Variants in TTN observed in about 807,000 individuals in gnomAD.
TTN encodes the protein titin.
A neutral mutation model predicts 3,223.0 loss-of-function variants in TTN; 1,525 were observed. The observed-to-expected ratio is 0.47, with a 90% CI of 0.45 to 0.49. The LOEUF is 0.49. TTN is among the 20% of genes least tolerant of loss of function. The pLI is 0.00. For synonymous variants in TTN, 14,094 were observed against 15,161.0 expected (o/e 0.93, Z 5.17); for missense variants, 40,786 against 43,424.0 (o/e 0.94, Z 5.40).
At position 178,580,099 on chromosome 2, in the gene TTN, T is replaced by C. The variant is rs756033306; in HGVS notation, c.67188A>G (p.Ala22396=). ...TCACTGTAGACCAGGATTTCCTCTC[T>C]GCATCACGTTTTTGTACCACATAGT... is the stretch of plus-strand genomic sequence containing the variant. The part of the protein sequence containing the change: ...IINYVVQKRD[A]ERKSWSTVTT... Residue 22396 remains alanine (A), a synonymous_variant, in exon 318 of 363, where the codon GCA becomes GCG. Coordinates refer to ENST00000589042, the MANE Select transcript of TTN (RefSeq NM_001267550.2). The C allele has an allele frequency of 1.2e-6, 2 of 1,613,422 alleles. No homozygotes were observed. Among genetic ancestry groups the C allele is most frequent in the South Asian group, 2.2e-5 (2 of 91,076 alleles).
chr2:178,727,882 A>G lies in TTN; in HGVS notation c.19715-19T>C, dbSNP rs551458590. 6.5e-7 allele frequency: 1 copy of G among 1,528,318 alleles called. No homozygotes were observed. Among genetic ancestry groups the G allele is most frequent in the South Asian group, 1.3e-5 (1 of 74,388 alleles). The allele number at this position is 1,528,318 out of a possible 1,614,324, so 94.7% of individuals were successfully genotyped here. ...GGTGGTTCTATAGATTTTAAGAGAG[A>G]TATATTTAATTAAATTGCTTGCAGT... On this transcript the variant is annotated intron_variant, in intron 67 of 362. Transcript: ENST00000589042.
intron 223 of TTN, among the ~76,000 whole-genome samples, chr2:178,638,555 T>C (rs542013560): frequency 1.4e-3 from 213 of 151,186 alleles, no homozygotes; most frequent in African/African-American, 5.0e-3. Flanking sequence ...CAAATAGTTC[T>C]CTTTTTTTTT....
intron 3 of TTN, among the ~76,000 whole-genome samples, chr2:178,801,096 C>T (rs13420249): frequency 0.11 from 16,951 of 152,148 alleles, 1,801 homozygotes; most frequent in East Asian, 0.58. Flanking sequence ...GTGGTTGCTA[C>T]GATGGGTGTA....
At chr2:178,619,218 G>T in intron 250 of TTN, 1 of 355,890 alleles carries the variant, frequency 2.8e-6, no homozygotes, top group Non-Finnish European at 5.1e-6. Context: ...ATGAATGAGA[G>T]GTACACTAAT....
At position 178,753,006 on chromosome 2, in the gene TTN, T is replaced by C; in HGVS notation, c.11311+118A>G. 1.7e-5 allele frequency: 13 copies of C among 758,760 alleles called. No individual in the cohort carries two copies. In the South Asian group the frequency reaches 2.3e-4, roughly 14 times the overall value. The allele number at this position is 758,760 out of a possible 1,614,324, so 47.0% of individuals were successfully genotyped here. ...ACATAGTAATATATACTCTAAGAGATATATTTGTATATCTATGTCATTTTT... is the reference window on the plus strand; with the variant it reads ...ACATAGTAATATATACTCTAAGAGACATATTTGTATATCTATGTCATTTTT... On this transcript the variant is annotated intron_variant, in intron 47 of 362. Transcript: ENST00000589042.
At chr2:178,737,306 CTT>C (rs755526559) in intron 49 of TTN, 25 of 142,198 alleles carry the variant, frequency 1.8e-4, no homozygotes, top group Admixed American at 1.4e-4. Context: ...TTCTTTCTTT[CTT>C]TTTTTTTTTT....
intron 6 of TTN, among the ~76,000 whole-genome samples, chr2:178,797,424 T>C (rs1184357210): frequency 6.6e-6 from 1 of 151,870 alleles, no homozygotes; most frequent in Non-Finnish European, 1.5e-5. Context: ...TAAATACTTT[T>C]TTGTATCTTT....
At chr2:178,671,604 G>C (rs987517595) in intron 155 of TTN, among the ~76,000 whole-genome samples, 2 of 151,718 alleles carry the variant, frequency 1.3e-5, no homozygotes, top group Non-Finnish European at 3.0e-5. Context: ...TTAAAGCAGT[G>C]ATTATTTTGC....
chr2:178,706,556 G>A lies in TTN; in HGVS notation c.29318C>T (p.Ala9773Val). The A allele has an allele frequency of 2.5e-6, 4 of 1,613,772 alleles. No individual in the cohort carries two copies. The highest frequency in any genetic ancestry group is 3.4e-6 in the Non-Finnish European group (4 of 1,179,812). ...TTCAATTTCACCATGTTCGTTAAAT[G>A]CCACGCATCGGTATAACCCAGAATC... ...KTDSGLYRCV[A>V]FNEHGEIESN... is the part of the protein sequence containing the mutation. The change falls in exon 102 of 363, where the codon GCA (alanine) becomes GTA (valine). Residue 9773 changes from alanine to valine, a missense_variant. Physicochemically the swap from Ala to Val is moderately conservative, Grantham distance 64. Transcript: ENST00000589042.
intron 44 of TTN, 178 bp downstream of exon 44, chr2:178,758,806 C>T (rs1330317077): frequency 1.5e-6 from 1 of 677,856 alleles, no homozygotes. Flanking sequence ...CTATGATTCA[C>T]AATGAAAAGT....
rs1185408489 is a variant in TTN, at chr2:178,576,346, G to A, written c.69786C>T (p.Gly23262=). ...CAAGTCCACCATCATAATGAGGCTT[G>A]CCCCATGCCAAAGAAGCAGATTTCT... ...TTKKSASLAW[G]KPHYDGGLEI... Residue 23262 remains glycine (G), a synonymous_variant, in exon 326 of 363, where the codon GGC becomes GGT. Transcript: ENST00000589042. This position sits in a 1 kb window ranked among gnomAD's most constrained non-coding sequence, Gnocchi z 4.3. 1 of 1,559,584 alleles carries A rather than the reference G, an allele frequency of 6.4e-7. No homozygotes were observed. Among genetic ancestry groups the A allele is most frequent in the Admixed American group, 2.1e-5 (1 of 48,092 alleles).
intron 242 of TTN, 41 bp from the exon 243 acceptor site, chr2:178,622,808 G>A (rs2058493437): frequency 1.4e-6 from 2 of 1,457,756 alleles, no homozygotes; most frequent in South Asian, 2.4e-5. Context: ...GAGGTTTCTG[G>A]AAATTTACTC....
intron 163 of TTN, among the ~76,000 whole-genome samples, 154 bp from the exon 164 acceptor site, chr2:178,665,945 T>C (rs1361868263): frequency 6.6e-6 from 1 of 152,158 alleles, no homozygotes; most frequent in African/African-American, 2.4e-5. Context: ...TATTTGGTTA[T>C]AAGCGGCTGT....
At chr2:178,651,091 A>C (rs536616356) in intron 208 of TTN, among the ~76,000 whole-genome samples, 152 bp downstream of exon 208, 4 of 152,130 alleles carry the variant, frequency 2.6e-5, no homozygotes, top group African/African-American at 9.6e-5. Context: ...GTCAATGAAA[A>C]AATTATTAAA....
Position 178,580,206 on chromosome 2 carries a change from C to T in TTN, c.67081G>A (p.Val22361Met). 6.2e-7 allele frequency: 1 copy of T among 1,612,918 alleles called. No homozygotes were observed. Among genetic ancestry groups the T allele is most frequent in the South Asian group, 1.1e-5 (1 of 90,970 alleles). ...TCTTTGGATATTTCCTTAACAGTCA[C>T]ATTGACAGGTGGCCCAGGAGTATCT... ...VLDTPGPPVN[V>M]TVKEISKDSA... Residue 22361 changes from valine (V) to methionine (M), a missense_variant, in exon 318 of 363, where the codon GTG (valine) becomes ATG (methionine). Val to Met is a conservative substitution (Grantham distance 21). Transcript: ENST00000589042.
Position 178,571,022 on chromosome 2 carries a change from T to G in TTN, c.75110A>C (p.Lys25037Thr). The change falls in exon 326 of 363, where the codon AAG becomes ACG. Residue 25037 changes from lysine to threonine, a missense_variant. Coordinates refer to ENST00000589042, the MANE Select transcript of TTN (RefSeq NM_001267550.2). ...WKKPTYDGGSKITGYIVEKKE... is the reference protein window; with the variant it reads ...WKKPTYDGGSTITGYIVEKKE... The stretch of plus-strand genomic sequence containing the variant: ...CTTCTCAACAATATAACCAGTGATC[T>G]TGCTTCCACCGTCATAGGTGGGTTT... 2 of 1,612,670 alleles carry G rather than the reference T, an allele frequency of 1.2e-6. No homozygotes were observed. The highest frequency in any genetic ancestry group is 1.7e-5 in the Admixed American group (1 of 59,970).
rs191539637 is a variant in TTN at position 178,611,515 on chromosome 2, C to G, written c.50714G>C (p.Arg16905Pro). ...GTEKWMRVNS[R>P]PIKDLKFKVE... The stretch of plus-strand genomic sequence containing the variant: ...CTTGAATTTCAAGTCCTTTATTGGG[C>G]GAGAATTAACTCTCATCCATTTCTC... The change falls in exon 269 of 363, where the codon CGC becomes CCC. Residue 16905 changes from arginine (R) to proline (P), a missense_variant. Physicochemically the swap from Arg to Pro is moderately radical, Grantham distance 103 (BLOSUM62 -2). Transcript: ENST00000589042. 2 of 1,612,876 alleles carry G rather than the reference C, an allele frequency of 1.2e-6. No individual in the cohort carries two copies. The highest frequency in any genetic ancestry group is 1.1e-5 in the South Asian group (1 of 91,060).
In TTN at chr2:178,622,712, T is replaced by G. The variant is rs1489415457; in HGVS notation, c.44871A>C (p.Glu14957Asp). The change falls in exon 243 of 363, where the codon GAA (glutamate) becomes GAC (aspartate). Residue 14957 changes from glutamate (E) to aspartate (D), a missense_variant. Transcript: ENST00000589042. ...AAAGTTCACACTCAAATCGAGCCAT[T>G]TCTTTTTCTCTAACTTGAAGGTCGG... is the stretch of plus-strand genomic sequence containing the variant. ...PLTDLQVREK[E>D]MARFECELSR... 1 of 1,607,696 alleles carries G rather than the reference T, an allele frequency of 6.2e-7. No individual in the cohort carries two copies. The highest frequency in any genetic ancestry group is 1.7e-5 in the Admixed American group (1 of 59,448).
chr2:178,701,299 G>T, intron 110 of TTN, 96 bp from the exon 111 acceptor site: 1 of 1,164,332 alleles, frequency 8.6e-7, no homozygotes, highest in Non-Finnish European at 1.2e-6. Flanking sequence ...GTACTTCATA[G>T]GTATTATAGT....
Sources: gnomAD v4.1 joint callset for allele counts (sites outside exome capture counted in the v4.1 genomes callset) on GRCh38, gnomAD v4.1.1 for gene constraint, Gnocchi (gnomAD v3.1) non-coding constraint, MANE v1.5 for transcripts, NCBI Gene and HGNC (gene_info 2026-07-23, HGNC 2026-07-21) for gene names.